FILIP1: variants seen among roughly 807,000 people sequenced by gnomAD.
FILIP1 encodes the protein filamin A interacting protein 1.
In FILIP1, 61 loss-of-function variants were observed where a neutral mutation model predicts 102.1. The ratio of observed to expected loss-of-function variants is 0.60; its 90% CI spans 0.49 to 0.74. FILIP1 has a LOEUF of 0.74. Ranked by LOEUF, FILIP1 falls within the 30% of genes least tolerant of loss-of-function variation. FILIP1 has a pLI of 0.00. For missense variants in FILIP1, 1,314 were observed against 1,441.2 expected (o/e 0.91, Z 1.43); for synonymous variants, 491 against 526.9 (o/e 0.93, Z 0.93).
intron 2 of FILIP1, among the ~76,000 whole-genome samples, chr6:75,411,841 A>T (rs1343261499): frequency 6.6e-6 from 1 of 152,156 alleles, no homozygotes; most frequent in African/African-American, 2.4e-5. Context: ...GTTTGAAGTC[A>T]GGTAGCATGA....
chr6:75,462,909 G>A (rs9341522), intron 1 of FILIP1, among the ~76,000 whole-genome samples: 31,878 of 152,098 alleles, frequency 0.21, 3,858 homozygotes, highest in African/African-American at 0.33. Context: ...AAGTGGAGGT[G>A]GGAAAGTCTG....
intron 1 of FILIP1, among the ~76,000 whole-genome samples, chr6:75,431,937 T>C (rs1267900147): frequency 6.6e-6 from 1 of 152,192 alleles, no homozygotes; most frequent in African/African-American, 2.4e-5. Context: ...CATACATGAA[T>C]TGTCTAAAAA....
At chr6:75,409,180 A>G (rs1467897933) in intron 2 of FILIP1, among the ~76,000 whole-genome samples, 3 of 152,214 alleles carry the variant, frequency 2.0e-5, no homozygotes, top group African/African-American at 7.2e-5. Flanking sequence ...CCTCCATAGA[A>G]TGTAAGTGAT....
In FILIP1 at chr6:75,295,849, T is replaced by A. The variant is rs759154787; in HGVS notation, c.*61A>T. 6.2e-6 allele frequency: 7 copies of A among 1,123,492 alleles called. No individual in the cohort carries two copies. In the South Asian group the frequency reaches 1.8e-4, roughly 29 times the overall value. 69.6% of individuals were successfully genotyped at this position (1,123,492 alleles called of 1,614,324 possible). A position where few individuals can be genotyped will look rare whatever the true frequency, so the allele number is the denominator to read the frequency against. ...GAGGACCTTAGTCATGATTGAGGGC[T>A]GTCCATTCAATAGGGATTCAGAGGT... On this transcript the variant is annotated 3_prime_UTR_variant, in exon 7 of 7. Transcript: ENST00000393004.
chr6:75,398,069 A>T (rs1167699125), intron 2 of FILIP1: 3 of 152,188 alleles, frequency 2.0e-5, no homozygotes, highest in African/African-American at 7.2e-5. Context: ...GACTATATCC[A>T]CAGATAGGAT....
At chr6:75,353,502 G>A in intron 4 of FILIP1, 37 bp downstream of exon 4, 1 of 1,608,964 alleles carries the variant, frequency 6.2e-7, no homozygotes, top group African/African-American at 1.3e-5. Context: ...AGGGCTATGG[G>A]CATCCAGATG....
At chr6:75,321,809 A>G (rs557114441) in intron 4 of FILIP1, among the ~76,000 whole-genome samples, 207 of 140,842 alleles carry the variant, frequency 1.5e-3, no homozygotes, top group African/African-American at 5.2e-3. Flanking sequence ...TCAAAAAAAA[A>G]AAAAAAGAAA....
Position 75,308,460 on chromosome 6 carries a change from A to G in FILIP1, c.*231T>C. 1 of 1,352,692 alleles carries G rather than the reference A, an allele frequency of 7.4e-7. No individual in the cohort carries two copies. Among genetic ancestry groups the G allele is most frequent in the South Asian group, 1.6e-5 (1 of 63,780 alleles). The allele number at this position is 1,352,692 out of a possible 1,614,324, so 83.8% of individuals were successfully genotyped here. ...ACTTGCTAGAAGCAAAACTGGAACT[A>G]GAAACCACGCCCTGGCTTCTAGGCA... is the stretch of plus-strand genomic sequence containing the variant. On this transcript the variant is annotated 3_prime_UTR_variant, in exon 6 of 6. Transcript: ENST00000237172.
intron 2 of FILIP1, among the ~76,000 whole-genome samples, chr6:75,406,421 A>G (rs1235735925): frequency 6.6e-6 from 1 of 152,124 alleles, no homozygotes; most frequent in Non-Finnish European, 1.5e-5. Flanking sequence ...TGAAGCTCCC[A>G]TATTTTCATA....
intron 2 of FILIP1, among the ~76,000 whole-genome samples, chr6:75,363,948 T>C (rs1746757835): frequency 6.6e-6 from 1 of 152,220 alleles, no homozygotes; most frequent in African/African-American, 2.4e-5. Context: ...TGGTTCATTA[T>C]TATGATATTC....
intron 1 of FILIP1, chr6:75,428,393 CT>C (rs1777704345): frequency 6.5e-6 from 1 of 152,808 alleles, no homozygotes; most frequent in African/African-American, 2.4e-5. Context: ...TCAGAATCCC[CT>C]GGAGAGCTTG....
chr6:75,463,631 A>G (rs1463752268), intron 1 of FILIP1, among the ~76,000 whole-genome samples: 2 of 152,232 alleles, frequency 1.3e-5, no homozygotes, highest in Non-Finnish European at 2.9e-5. Flanking sequence ...GGTCACTAGA[A>G]TATATTTGAC....
At chr6:75,318,174 C>T (rs915507034) in intron 4 of FILIP1, among the ~76,000 whole-genome samples, 1 of 151,304 alleles carries the variant, frequency 6.6e-6, no homozygotes, top group Non-Finnish European at 1.5e-5. Context: ...CTTCTTCAAA[C>T]CCAATTAAGT....
chr6:75,470,232 A>G (rs889329346), intron 1 of FILIP1, among the ~76,000 whole-genome samples: 37 of 152,090 alleles, frequency 2.4e-4, no homozygotes, highest in Admixed American at 7.9e-4. Context: ...AAAACAACAT[A>G]AAAAAATCAA....
At chr6:75,471,047 C>A (rs764330049) in intron 1 of FILIP1, among the ~76,000 whole-genome samples, 17 of 150,774 alleles carry the variant, frequency 1.1e-4, no homozygotes, top group Non-Finnish European at 2.4e-4. Context: ...GTAGTCCCAG[C>A]TACTCAGGAA....
At chr6:75,470,088 T>A (rs926486961) in intron 1 of FILIP1, among the ~76,000 whole-genome samples, 1 of 152,084 alleles carries the variant, frequency 6.6e-6, no homozygotes, top group African/African-American at 2.4e-5. Context: ...AGTAAAACCA[T>A]AGTAAGTTGT....
intron 1 of FILIP1, among the ~76,000 whole-genome samples, chr6:75,478,885 T>C (rs1562657115): frequency 6.6e-6 from 1 of 152,322 alleles, no homozygotes; most frequent in East Asian, 1.9e-4. Flanking sequence ...TTATTCTAGG[T>C]AATGATCCAT....
At position 75,493,781 on chromosome 6, in the gene FILIP1, G is replaced by A. The variant is rs144838150; in HGVS notation, c.-374C>T. On this transcript the variant is annotated 5_prime_UTR_variant, in exon 1 of 6. Coordinates refer to ENST00000237172, the MANE Select transcript of FILIP1 (RefSeq NM_015687.5). Reference sequence around the variant, plus strand: ...CCTCTTCTGCTCCCTTCACAACACTGTCAGAGCAATGGCTATGTTGAGGAG... The same window carrying A: ...CCTCTTCTGCTCCCTTCACAACACTATCAGAGCAATGGCTATGTTGAGGAG... The A allele has an allele frequency of 8.3e-4, 127 of 152,310 alleles. No individual in the cohort carries two copies. The highest frequency in any genetic ancestry group is 3.0e-3 in the African/African-American group (123 of 41,562). The allele number at this position is 152,310 out of a possible 1,614,324, so 9.4% of individuals were successfully genotyped here.
intron 2 of FILIP1, among the ~76,000 whole-genome samples, chr6:75,388,127 T>C (rs549334341): frequency 6.6e-6 from 1 of 152,342 alleles, no homozygotes; most frequent in Non-Finnish European, 1.5e-5. Context: ...CAACACCATT[T>C]ATTAAATAGG....
Sources: gnomAD v4.1 joint callset for allele counts (sites outside exome capture counted in the v4.1 genomes callset) on GRCh38, gnomAD v4.1.1 for gene constraint, MANE v1.5 for transcripts, NCBI Gene and HGNC (gene_info 2026-07-23, HGNC 2026-07-21) for gene names.